Variants in SOS2 observed in about 807,000 individuals in gnomAD.
SOS2 encodes son of sevenless homolog 2.
In SOS2, 65 loss-of-function variants were observed where a neutral mutation model predicts 148.2. The observed-to-expected ratio is 0.44, with a 90% CI of 0.36 to 0.54. The LOEUF (loss-of-function observed/expected upper bound fraction) is 0.54, where lower values mean the gene tolerates loss of function less well. Ranked by LOEUF, SOS2 falls within the 20% of genes least tolerant of loss-of-function variation. The probability of loss-of-function intolerance (pLI) is 0.00; values close to 1 mark genes in which losing one functional copy is unlikely to be tolerated. For missense variants in SOS2, 1,341 were observed against 1,590.2 expected, an observed-to-expected ratio of 0.84 and a Z score of 2.67; for synonymous variants, 539 against 537.1, an observed-to-expected ratio of 1.00 and a Z score of -0.05.
At chr14:50,227,247 C>CTTTTTT (rs71118857) in intron 1 of SOS2, among the ~76,000 whole-genome samples, 1 of 121,632 alleles carries the variant, frequency 8.2e-6, no homozygotes, top group African/African-American at 3.1e-5. Context: ...TTCTTTCTTT[C>CTTTTTT]TTTTTTTTTT....
At chr14:50,214,578 G>A (rs1886984484) in intron 1 of SOS2, among the ~76,000 whole-genome samples, 1 of 152,086 alleles carries the variant, frequency 6.6e-6, no homozygotes, top group African/African-American at 2.4e-5. Context: ...TCTAGTGGCT[G>A]AGGTGGGAGG....
In SOS2 at chr14:50,117,976, C is replaced by G. The variant is rs754982806; in HGVS notation, c.*368G>C. 1.0e-4 allele frequency: 18 copies of G among 174,982 alleles called. No individual in the cohort carries two copies. Among genetic ancestry groups the G allele is most frequent in the Admixed American group, 1.7e-4 (3 of 17,384 alleles). The allele number at this position is 174,982 out of a possible 1,614,324, so 10.8% of individuals were successfully genotyped here. On this transcript the variant is annotated 3_prime_UTR_variant, in exon 23 of 23. Coordinates refer to ENST00000216373, the MANE Select transcript of SOS2 (RefSeq NM_006939.4). ...CCCCTCCCATATTTGTGTAAATTCA[C>G]TGCCTTAAAAAGGCATCTATTACTC...
At chr14:50,161,947 C>T (rs1053111174) in intron 8 of SOS2, among the ~76,000 whole-genome samples, 8 of 151,768 alleles carry the variant, frequency 5.3e-5, no homozygotes, top group Admixed American at 2.0e-4. Context: ...GACAGGGTCT[C>T]GCTATGTCTC....
At chr14:50,173,921 C>G (rs1034153261) in intron 8 of SOS2, among the ~76,000 whole-genome samples, 68 of 152,084 alleles carry the variant, frequency 4.5e-4, no homozygotes, top group Non-Finnish European at 2.6e-4. Flanking sequence ...GAGTTGCCCT[C>G]TAATATTGGC....
chr14:50,212,853 G>A (rs899352624), intron 1 of SOS2, among the ~76,000 whole-genome samples: 1 of 152,170 alleles, frequency 6.6e-6, no homozygotes, highest in Non-Finnish European at 1.5e-5. Context: ...ATGAGAAGCA[G>A]ACATTAGCTT....
intron 8 of SOS2, among the ~76,000 whole-genome samples, chr14:50,167,320 G>C (rs1885200362): frequency 6.6e-6 from 1 of 151,814 alleles, no homozygotes; most frequent in Non-Finnish European, 1.5e-5. Context: ...CACACAAAAA[G>C]AATGACAAAG....
intron 20 of SOS2, 63 bp downstream of exon 20, chr14:50,130,438 T>C: frequency 1.4e-6 from 2 of 1,382,368 alleles, no homozygotes; most frequent in South Asian, 1.3e-5. Context: ...CTAATTAAAA[T>C]GATAAGAATT....
chr14:50,199,644 A>T, intron 4 of SOS2, 47 bp downstream of exon 4: 1 of 1,116,100 alleles, frequency 9.0e-7, no homozygotes, highest in Non-Finnish European at 1.3e-6. Context: ...GGCAGAAATT[A>T]GTATAGTTGC....
At chr14:50,213,034 C>T (rs1886929855) in intron 1 of SOS2, among the ~76,000 whole-genome samples, 1 of 151,758 alleles carries the variant, frequency 6.6e-6, no homozygotes, top group South Asian at 2.1e-4. Flanking sequence ...TTGTACTACA[C>T]TAAAACAAGG....
chr14:50,197,946 T>TCCCAAAG (rs552911995), intron 4 of SOS2, among the ~76,000 whole-genome samples: 2 of 151,140 alleles, frequency 1.3e-5, no homozygotes, highest in South Asian at 4.2e-4. Context: ...CGCCTCAGCC[T>TCCCAAAG]CCCAAAGTGC....
chr14:50,152,708 A>C (rs1029667428), intron 13 of SOS2, among the ~76,000 whole-genome samples: 3 of 152,168 alleles, frequency 2.0e-5, no homozygotes, highest in Non-Finnish European at 4.4e-5. Context: ...TAATCCCAGC[A>C]CTTTGGGAAG....
At chr14:50,180,740 A>G in intron 6 of SOS2, 58 bp from the exon 7 acceptor site, 2 of 947,552 alleles carry the variant, frequency 2.1e-6, no homozygotes, top group South Asian at 1.5e-5. Context: ...TTCTACCAAT[A>G]TGGTACAGAT....
chr14:50,159,892 C>A lies in SOS2; in HGVS notation c.1391G>T (p.Gly464Val). The change falls in exon 10 of 23, where the codon GGC (glycine) becomes GTC (valine). Residue 464 changes from glycine to valine, a missense_variant. Gly to Val is a moderately radical substitution (Grantham distance 109). Transcript: ENST00000216373. ...KHERHIFLFD[G>V]LMISCKPNHG... ...ATTAGGTTTACAACTGATCATTAAGCCATCAAACAGAAAAATATGCCGTTC... is the reference window on the plus strand; with the variant it reads ...ATTAGGTTTACAACTGATCATTAAGACATCAAACAGAAAAATATGCCGTTC... 2.5e-6 allele frequency: 4 copies of A among 1,614,092 alleles called. No homozygotes were observed. Among genetic ancestry groups the A allele is most frequent in the Non-Finnish European group, 3.4e-6 (4 of 1,180,004 alleles).
intron 16 of SOS2, among the ~76,000 whole-genome samples, chr14:50,143,633 G>T (rs1201691018): frequency 6.6e-6 from 1 of 151,892 alleles, no homozygotes; most frequent in Non-Finnish European, 1.5e-5. Context: ...GTAGAGATGG[G>T]GTTTCATCAT....
At chr14:50,194,503 C>CG (rs1222904214) in intron 4 of SOS2, among the ~76,000 whole-genome samples, 4 of 128,084 alleles carry the variant, frequency 3.1e-5, no homozygotes, top group African/African-American at 1.2e-4. Context: ...TGGCTGGGCG[C>CG]GGGGGCTTAC....
intron 1 of SOS2, among the ~76,000 whole-genome samples, chr14:50,218,173 AAGAT>A (rs1438360613): frequency 6.7e-6 from 1 of 149,906 alleles, no homozygotes; most frequent in Non-Finnish European, 1.5e-5. Context: ...AAAAGATAAA[AAGAT>A]AGTATTAAGA....
chr14:50,193,005 TG>T (rs376088780), intron 4 of SOS2, among the ~76,000 whole-genome samples: 1 of 152,160 alleles, frequency 6.6e-6, no homozygotes, highest in African/African-American at 2.4e-5. Flanking sequence ...ACCTTTTTTT[TG>T]GTTTTTTTTG....
intron 8 of SOS2, among the ~76,000 whole-genome samples, chr14:50,167,936 C>T (rs1292859925): frequency 1.3e-5 from 2 of 151,552 alleles, no homozygotes; most frequent in Admixed American, 1.3e-4. Flanking sequence ...TAACTTTTTT[C>T]TGTTTTTCAA....
At chr14:50,168,810 G>C (rs1885263571) in intron 8 of SOS2, among the ~76,000 whole-genome samples, 5 of 152,154 alleles carry the variant, frequency 3.3e-5, no homozygotes, top group Admixed American at 3.3e-4. Flanking sequence ...CCCTTTAGTA[G>C]TAGAAAACAC....
Sources: allele counts gnomAD v4.1 joint callset (sites outside exome capture counted in the v4.1 genomes callset), GRCh38; gene constraint gnomAD v4.1.1; transcripts MANE v1.5; gene names NCBI Gene and HGNC (gene_info 2026-07-23, HGNC 2026-07-21).